Variants in BEND7 observed in about 807,000 individuals in gnomAD.
BEND7 encodes BEN domain containing 7, also known as BEN domain-containing protein 7.
Under a neutral mutation model 50.9 loss-of-function variants are expected in BEND7, and 28 were observed. That is an observed-to-expected ratio of 0.55 (90% CI 0.41 to 0.75). The LOEUF (loss-of-function observed/expected upper bound fraction) is 0.75, where lower values mean the gene tolerates loss of function less well. Among genes scored for constraint, BEND7 ranks in the 30% least tolerant of loss-of-function variants. The pLI is 0.00. For missense variants in BEND7, 477 were observed against 491.3 expected (o/e 0.97, Z 0.28); for synonymous variants, 170 against 183.9 (o/e 0.92, Z 0.61).
chr10:13,483,790 G>A (rs1268699297), intron 5 of BEND7, among the ~76,000 whole-genome samples: 3 of 152,204 alleles, frequency 2.0e-5, no homozygotes, highest in African/African-American at 7.2e-5. Flanking sequence ...AGCAAGTGCT[G>A]TCTGAGACAG....
intron 5 of BEND7, among the ~76,000 whole-genome samples, chr10:13,488,952 G>A (rs968445459): frequency 4.2e-4 from 64 of 152,046 alleles, no homozygotes; most frequent in African/African-American, 1.5e-3. Flanking sequence ...TTGTTCACGT[G>A]TATTTTTTTA....
chr10:13,440,594 C>A (rs1835194399), downstream of BEND7, among the ~76,000 whole-genome samples: 1 of 152,238 alleles, frequency 6.6e-6, no homozygotes, highest in African/African-American at 2.4e-5. Flanking sequence ...CCGCTCAGAG[C>A]AGGGGACAGA....
chr10:13,501,416 T>A (rs1040549603), intron 2 of BEND7, among the ~76,000 whole-genome samples: 3 of 150,270 alleles, frequency 2.0e-5, no homozygotes, highest in Admixed American at 6.6e-5. Context: ...ATATTTTCTA[T>A]CAATAATAAT....
At chr10:13,463,854 GAGA>G (rs2073964070) in intron 6 of BEND7, among the ~76,000 whole-genome samples, 1 of 152,168 alleles carries the variant, frequency 6.6e-6, no homozygotes, top group African/African-American at 2.4e-5. Context: ...AAGTCAGTAA[GAGA>G]AGAACCATCT....
intron 3 of BEND7, 148 bp from the exon 4 acceptor site, chr10:13,497,036 C>T: frequency 1.0e-6 from 1 of 953,062 alleles, no homozygotes; most frequent in Non-Finnish European, 1.5e-6. Flanking sequence ...GGAAAACGTA[C>T]CCACTAATTA....
chr10:13,517,064 GCT>G (rs1564410965), intron 2 of BEND7, among the ~76,000 whole-genome samples: 1 of 137,172 alleles, frequency 7.3e-6, no homozygotes, highest in Non-Finnish European at 1.6e-5. Context: ...TTTTCTGGTG[GCT>G]TTTTTTTTTT....
At chr10:13,463,348 G>A (rs532063543) in intron 6 of BEND7, among the ~76,000 whole-genome samples, 21 of 152,308 alleles carry the variant, frequency 1.4e-4, no homozygotes, top group Non-Finnish European at 2.4e-4. Flanking sequence ...GAAAGGGGAG[G>A]AGGAGTGCAG....
At chr10:13,483,724 T>C (rs947069835) in intron 5 of BEND7, among the ~76,000 whole-genome samples, 4 of 152,086 alleles carry the variant, frequency 2.6e-5, no homozygotes, top group African/African-American at 9.7e-5. Flanking sequence ...AGGCAAGACA[T>C]ATGCACAAAT....
chr10:13,475,718 G>A (rs776976831), intron 6 of BEND7, among the ~76,000 whole-genome samples: 1 of 152,138 alleles, frequency 6.6e-6, no homozygotes, highest in Non-Finnish European at 1.5e-5. Flanking sequence ...AAATGCTAGA[G>A]TTTAAGATAG....
intron 6 of BEND7, among the ~76,000 whole-genome samples, chr10:13,453,380 G>A (rs1355739492): frequency 3.9e-5 from 6 of 152,062 alleles, no homozygotes; most frequent in South Asian, 2.1e-4. Flanking sequence ...CTTGTCCTTC[G>A]TAAGGTCAAG....
chr10:13,491,744 T>A (rs7901047), intron 5 of BEND7, among the ~76,000 whole-genome samples: 29,163 of 151,990 alleles, frequency 0.19, 2,948 homozygotes, highest in African/African-American at 0.24. Flanking sequence ...AAAACTTTTT[T>A]AAAAAGCAAT....
intron 5 of BEND7, among the ~76,000 whole-genome samples, chr10:13,485,198 CT>C (rs2076136035): frequency 6.6e-6 from 1 of 151,968 alleles, no homozygotes; most frequent in African/African-American, 2.4e-5. Context: ...GGAGATCATG[CT>C]AGTTAACCAC....
intron 6 of BEND7, 133 bp from the exon 7 acceptor site, chr10:13,452,791 A>G: frequency 1.3e-6 from 1 of 754,858 alleles, no homozygotes; most frequent in Non-Finnish European, 2.0e-6. Context: ...TGTCTTCGGT[A>G]TCTGTATTAT....
At chr10:13,446,832 C>A (rs1288750609) in intron 8 of BEND7, 2 of 227,424 alleles carry the variant, frequency 8.8e-6, no homozygotes, top group Non-Finnish European at 1.7e-5. Flanking sequence ...ACATAGTATT[C>A]ACTGGGTGTC....
chr10:13,493,796 A>G (rs1256407683), intron 4 of BEND7, among the ~76,000 whole-genome samples: 2 of 152,230 alleles, frequency 1.3e-5, no homozygotes, highest in Non-Finnish European at 2.9e-5. Context: ...CATTGTTTAA[A>G]TCCTCAAGTA....
At chr10:13,473,719 TC>T (rs1186195992) in intron 6 of BEND7, among the ~76,000 whole-genome samples, 1 of 150,040 alleles carries the variant, frequency 6.7e-6, no homozygotes, top group Admixed American at 6.6e-5. Flanking sequence ...AGATTTGGGG[TC>T]GATACCCATC....
At chr10:13,497,486 C>T (rs565025014) in intron 3 of BEND7, among the ~76,000 whole-genome samples, 8 of 152,134 alleles carry the variant, frequency 5.3e-5, no homozygotes, top group South Asian at 2.1e-4. Flanking sequence ...TGGATGCGTT[C>T]GAGGGTATTG....
At chr10:13,490,190 A>C (rs1286784784) in intron 5 of BEND7, among the ~76,000 whole-genome samples, 1 of 152,234 alleles carries the variant, frequency 6.6e-6, no homozygotes, top group Non-Finnish European at 1.5e-5. Context: ...GTCACAACGC[A>C]AAAAGGGAAC....
chr10:13,527,877 T>C (rs1444402729), intron 1 of BEND7: 15 of 978,230 alleles, frequency 1.5e-5, no homozygotes, highest in Admixed American at 6.2e-5. Context: ...TGGATTTCTT[T>C]TCTTTCTTTT....
Sources: gnomAD v4.1 joint callset for allele counts (sites outside exome capture counted in the v4.1 genomes callset) on GRCh38, gnomAD v4.1.1 for gene constraint, MANE v1.5 for transcripts, NCBI Gene and HGNC (gene_info 2026-07-23, HGNC 2026-07-21) for gene names.